Variants in RSRC1 observed in about 807,000 individuals in gnomAD.
The protein encoded by RSRC1 is serine/Arginine-related protein 53.
In RSRC1, 39 loss-of-function variants were observed where a neutral mutation model predicts 49.1. The observed-to-expected ratio is 0.79, with a 90% CI of 0.61 to 1.04. The LOEUF is 1.04. RSRC1 is among the 50% of genes least tolerant of loss of function. The pLI, the probability that RSRC1 is intolerant of heterozygous loss-of-function variation, is 0.00. For missense variants in RSRC1, 388 were observed against 402.4 expected (o/e 0.96, Z 0.31); for synonymous variants, 143 against 130.8 (o/e 1.09, Z -0.63).
chr3:158,260,273 T>C (rs1724815057), intron 4 of RSRC1, among the ~76,000 whole-genome samples: 1 of 152,140 alleles, frequency 6.6e-6, no homozygotes, highest in African/African-American at 2.4e-5. Context: ...TAGTTAACAG[T>C]TGATGAATCT....
Position 158,139,926 on chromosome 3 carries a change from C to T in RSRC1, c.320+15935C>T, listed in dbSNP as rs1578125581. On this transcript the variant is annotated intron_variant, in intron 3 of 9. Transcript: ENST00000611884. ...GGATTTACAGGCTTGAGCCACCATG[C>T]TGGGCCTGAATATCCAATTAGTATT... 2.0e-5 allele frequency among the ~76,000 whole-genome samples: 3 copies of T among 152,272 alleles called. No homozygotes were observed. The South Asian group carries it at 6.2e-4, about 32-fold the overall frequency.
chr3:158,466,791 A>T (rs963340979), intron 7 of RSRC1, among the ~76,000 whole-genome samples: 7 of 152,206 alleles, frequency 4.6e-5, no homozygotes, highest in African/African-American at 7.2e-5. Context: ...GCCGGGCATG[A>T]TGGCTCACAT....
intron 6 of RSRC1, among the ~76,000 whole-genome samples, chr3:158,421,247 A>C (rs995326915): frequency 6.6e-6 from 1 of 151,906 alleles, no homozygotes; most frequent in African/African-American, 2.4e-5. Context: ...TGTTAAGAAG[A>C]TAGGCAAAGA....
Position 158,158,363 on chromosome 3 carries a change from G to A in RSRC1, c.320+34372G>A, listed in dbSNP as rs530122598. 3.2e-4 allele frequency among the ~76,000 whole-genome samples: 49 copies of A among 152,270 alleles called. No individual in the cohort carries two copies. In the South Asian group the frequency reaches 9.9e-3, roughly 31 times the overall value. The stretch of plus-strand genomic sequence containing the variant: ...TGGGACTTGAGTATGTGCGGATTTG[G>A]TCATGCACTGGCGGTTGTGGAACTA... On this transcript the variant is annotated intron_variant, in intron 3 of 9. Transcript: ENST00000611884.
intron 4 of RSRC1, among the ~76,000 whole-genome samples, chr3:158,273,025 G>T (rs768880151): frequency 4.6e-5 from 7 of 151,858 alleles, no homozygotes; most frequent in Middle Eastern, 3.4e-3. Context: ...CTTTTGAGAG[G>T]TTAAAAAAAA....
At chr3:158,255,645 T>A (rs1724502493) in intron 4 of RSRC1, among the ~76,000 whole-genome samples, 1 of 152,210 alleles carries the variant, frequency 6.6e-6, no homozygotes, top group Non-Finnish European at 1.5e-5. Flanking sequence ...AATCTATAAA[T>A]TACCTTGGGC....
intron 4 of RSRC1, among the ~76,000 whole-genome samples, chr3:158,245,003 G>GGT (rs1553774115): frequency 1.2e-5 from 1 of 85,674 alleles, no homozygotes; most frequent in African/African-American, 4.7e-5. Context: ...ATTTTTCAAA[G>GGT]GTTTTTTTTT....
At chr3:158,519,830 T>A (rs1273223622) in intron 7 of RSRC1, among the ~76,000 whole-genome samples, 1 of 152,086 alleles carries the variant, frequency 6.6e-6, no homozygotes, top group African/African-American at 2.4e-5. Flanking sequence ...TGTTTATAAC[T>A]ATATGTTACC....
chr3:158,335,465 T>C (rs1392683011), intron 5 of RSRC1, among the ~76,000 whole-genome samples: 2 of 152,212 alleles, frequency 1.3e-5, no homozygotes, highest in African/African-American at 2.4e-5. Flanking sequence ...TGGGATATTA[T>C]TGATAGCATT....
intron 6 of RSRC1, among the ~76,000 whole-genome samples, chr3:158,405,176 A>G (rs1373933092): frequency 6.6e-6 from 1 of 152,054 alleles, no homozygotes; most frequent in Non-Finnish European, 1.5e-5. Flanking sequence ...TTATTAAATC[A>G]GAAACTGAAA....
At chr3:158,483,304 G>T (rs1160798835) in intron 7 of RSRC1, among the ~76,000 whole-genome samples, 1 of 151,956 alleles carries the variant, frequency 6.6e-6, no homozygotes, top group Non-Finnish European at 1.5e-5. Flanking sequence ...TGTTTGCCTT[G>T]TTGCAAGGAT....
chr3:158,304,063 T>G (rs1727714901), intron 5 of RSRC1, among the ~76,000 whole-genome samples: 1 of 152,182 alleles, frequency 6.6e-6, no homozygotes, highest in African/African-American at 2.4e-5. Context: ...TCCACAGAAG[T>G]CTCATTTATG....
chr3:158,204,529 G>A (rs73874329), intron 4 of RSRC1, among the ~76,000 whole-genome samples: 11,671 of 152,198 alleles, frequency 0.077, 546 homozygotes, highest in South Asian at 0.13. Flanking sequence ...GGCTGAGTTA[G>A]CCAGCACTGG....
At chr3:158,425,999 A>G (rs187896884) in intron 6 of RSRC1, among the ~76,000 whole-genome samples, 4 of 151,842 alleles carry the variant, frequency 2.6e-5, no homozygotes, top group African/African-American at 9.6e-5. Context: ...CCACACATGT[A>G]TGAGGACTTG....
intron 6 of RSRC1, among the ~76,000 whole-genome samples, chr3:158,446,954 A>G (rs957411264): frequency 6.6e-6 from 1 of 152,062 alleles, no homozygotes; most frequent in East Asian, 1.9e-4. Flanking sequence ...AGGGTGCTAC[A>G]ATGTGTCATC....
intron 3 of RSRC1, among the ~76,000 whole-genome samples, chr3:158,197,245 G>A (rs1182611316): frequency 2.6e-5 from 4 of 152,052 alleles, no homozygotes; most frequent in South Asian, 2.1e-4. Context: ...TGTATGTGTC[G>A]AGGAATTTAT....
intron 5 of RSRC1, among the ~76,000 whole-genome samples, chr3:158,323,929 A>G (rs1343548337): frequency 7.2e-6 from 1 of 138,632 alleles, no homozygotes; most frequent in Non-Finnish European, 1.6e-5. Context: ...CATCCGTACT[A>G]TAGTACACAT....
intron 4 of RSRC1, among the ~76,000 whole-genome samples, chr3:158,216,666 T>C (rs1450313017): frequency 6.6e-6 from 1 of 151,716 alleles, no homozygotes; most frequent in Non-Finnish European, 1.5e-5. Flanking sequence ...AATAGTTCTT[T>C]AGAAAAAGGG....
chr3:158,317,959 A>C (rs1203746363), intron 5 of RSRC1, among the ~76,000 whole-genome samples: 3 of 152,182 alleles, frequency 2.0e-5, no homozygotes, highest in Non-Finnish European at 4.4e-5. Flanking sequence ...GCAGCCCAGA[A>C]CAGCTTTAAA....
Sources: allele counts gnomAD v4.1 joint callset (sites outside exome capture counted in the v4.1 genomes callset), GRCh38; gene constraint gnomAD v4.1.1; transcripts MANE v1.5; gene names NCBI Gene and HGNC (gene_info 2026-07-23, HGNC 2026-07-21).